MAML2: variants seen among roughly 807,000 people sequenced by gnomAD.
MAML2 encodes mastermind-like protein 2.
In MAML2, 22 loss-of-function variants were observed where a neutral mutation model predicts 96.1. The observed-to-expected ratio is 0.23, with a 90% CI of 0.16 to 0.33. The LOEUF (loss-of-function observed/expected upper bound fraction) is 0.33. Among genes scored for constraint, MAML2 ranks in the 10% least tolerant of loss-of-function variants. The probability of loss-of-function intolerance (pLI) is 1.00; values close to 1 mark genes in which losing one functional copy is unlikely to be tolerated. For missense variants in MAML2, 1,367 were observed against 1,392.4 expected, an observed-to-expected ratio of 0.98 and a Z score of 0.29; for synonymous variants, 561 against 521.3, an observed-to-expected ratio of 1.08 and a Z score of -1.04.
At position 96,141,899 on chromosome 11, in the gene MAML2, G is replaced by A. The variant is rs551120340; in HGVS notation, c.514-48382C>T. Among the ~76,000 whole-genome samples the A allele has an allele frequency of 7.2e-5, 11 of 152,320 alleles. No individual in the cohort carries two copies. In the East Asian group the frequency reaches 9.6e-4, roughly 13 times the overall value. On this transcript the variant is annotated intron_variant, in intron 1 of 4. Transcript: ENST00000524717. ...CTGTCTCTGCAGGTGCTAGCGGGACGCATCACCACAGCAATCTGAGGCAGG... is the reference window on the plus strand; with the variant it reads ...CTGTCTCTGCAGGTGCTAGCGGGACACATCACCACAGCAATCTGAGGCAGG...
intron 1 of MAML2, among the ~76,000 whole-genome samples, chr11:96,219,708 T>A (rs1963884): frequency 0.26 from 39,608 of 152,004 alleles, 5,323 homozygotes; most frequent in Middle Eastern, 0.37. Context: ...TCACTGCAAC[T>A]CCACCCTCCT....
At chr11:96,181,987 T>C (rs12416963) in intron 1 of MAML2, among the ~76,000 whole-genome samples, 37,447 of 152,104 alleles carry the variant, frequency 0.25, 4,893 homozygotes, top group East Asian at 0.49. Context: ...AATGTTAGAA[T>C]TACTTTTTCA....
intron 1 of MAML2, among the ~76,000 whole-genome samples, chr11:96,200,343 G>A (rs1245464768): frequency 1.3e-5 from 2 of 152,194 alleles, no homozygotes; most frequent in African/African-American, 4.8e-5. Context: ...TCTGTAGCTT[G>A]GATTTGCTGA....
In MAML2 at chr11:95,979,108, C is replaced by T. The variant is rs761332652; in HGVS notation, c.3311G>A (p.Ser1104Asn). The change falls in exon 5 of 5, where the codon AGT (serine) becomes AAT (asparagine). Residue 1104 changes from serine to asparagine, a missense_variant. Ser to Asn is a conservative substitution (Grantham distance 46). Coordinates refer to ENST00000524717, the MANE Select transcript of MAML2 (RefSeq NM_032427.4). ...GCTGAGGAAGTCAAAAGCTAAGTCA[C>T]TGCTGTGGTCAGTTCCTTGAAAAGC... ...SRAFQGTDHS[S>N]DLAFDFLSQQ... is the part of the protein sequence containing the mutation. The T allele has an allele frequency of 5.0e-6, 8 of 1,613,884 alleles. No individual in the cohort carries two copies. Among genetic ancestry groups the T allele is most frequent in the Non-Finnish European group, 6.8e-6 (8 of 1,179,910 alleles).
chr11:96,172,841 C>A (rs898769230), intron 1 of MAML2, among the ~76,000 whole-genome samples: 2 of 152,188 alleles, frequency 1.3e-5, no homozygotes, highest in African/African-American at 4.8e-5. Flanking sequence ...GAATTTAACA[C>A]CAGCAGAACA....
At chr11:96,303,319 A>T (rs1863415524) in intron 1 of MAML2, among the ~76,000 whole-genome samples, 1 of 152,254 alleles carries the variant, frequency 6.6e-6, no homozygotes, top group Non-Finnish European at 1.5e-5. Context: ...ACCAATATAA[A>T]AATTGCTCCA....
rs533593613 is a variant in MAML2, at chr11:95,995,054, C to T, written c.2140-3331G>A. 9.8e-4 allele frequency among the ~76,000 whole-genome samples: 149 copies of T among 152,192 alleles called. 1 individual carries two copies. Among genetic ancestry groups the T allele is most frequent in the Admixed American group, 1.7e-3 (26 of 15,282 alleles). ...AGGGGAGATAATCCAATACCTACCA[C>T]GTAGTAAGCACTTACTAAACAATAG... On this transcript the variant is annotated intron_variant, in intron 2 of 4. Coordinates refer to ENST00000524717, the MANE Select transcript of MAML2 (RefSeq NM_032427.4).
At chr11:96,060,905 G>A (rs1214020418) in intron 2 of MAML2, among the ~76,000 whole-genome samples, 1 of 152,004 alleles carries the variant, frequency 6.6e-6, no homozygotes, top group African/African-American at 2.4e-5. Context: ...TTTTTCATGA[G>A]GCCAGTCTAA....
intron 1 of MAML2, among the ~76,000 whole-genome samples, chr11:96,330,949 G>A (rs1318595393): frequency 1.3e-5 from 2 of 152,170 alleles, no homozygotes; most frequent in Non-Finnish European, 2.9e-5. Flanking sequence ...GGCGTGTGGG[G>A]TGGAAGGGAT....
chr11:96,032,997 A>G lies in MAML2; in HGVS notation c.2140-41274T>C, dbSNP rs575264983. 1.5e-3 allele frequency among the ~76,000 whole-genome samples: 234 copies of G among 152,364 alleles called. 2 individuals carry two copies. The Middle Eastern group carries it at 0.02, about 13-fold the overall frequency. Reference sequence around the variant, plus strand: ...GTTTGTCAAAACTTGGGGCACTTACATACCCAAAAAGTGAAATTTGTAGCA... The same window carrying G: ...GTTTGTCAAAACTTGGGGCACTTACGTACCCAAAAAGTGAAATTTGTAGCA... On this transcript the variant is annotated intron_variant, in intron 2 of 4. Transcript: ENST00000524717.
At chr11:96,232,962 G>A (rs1294581151) in intron 1 of MAML2, among the ~76,000 whole-genome samples, 1 of 152,204 alleles carries the variant, frequency 6.6e-6, no homozygotes, top group African/African-American at 2.4e-5. Context: ...CTGTGAGCAT[G>A]AGTAAAACAA....
At chr11:96,263,104 C>A (rs1862774254) in intron 1 of MAML2, among the ~76,000 whole-genome samples, 1 of 152,210 alleles carries the variant, frequency 6.6e-6, no homozygotes, top group Non-Finnish European at 1.5e-5. Context: ...TCTATATAAA[C>A]AATGCATTTC....
intron 1 of MAML2, among the ~76,000 whole-genome samples, chr11:96,169,666 T>TG (rs1861251281): frequency 6.6e-6 from 1 of 151,464 alleles, no homozygotes; most frequent in East Asian, 1.9e-4. Flanking sequence ...AAACTTTTTT[T>TG]TTTTTTTGAG....
intron 2 of MAML2, among the ~76,000 whole-genome samples, chr11:96,032,381 A>G (rs1282443026): frequency 6.6e-6 from 1 of 152,070 alleles, no homozygotes; most frequent in Admixed American, 6.5e-5. Context: ...TTGAGGTCAG[A>G]AGTAAAAGAC....
intron 1 of MAML2, among the ~76,000 whole-genome samples, chr11:96,211,223 TC>T (rs1861966208): frequency 6.6e-6 from 1 of 152,206 alleles, no homozygotes; most frequent in South Asian, 2.1e-4. Flanking sequence ...TGATGTGATA[TC>T]AACACCATTT....
intron 1 of MAML2, among the ~76,000 whole-genome samples, chr11:96,253,350 T>C (rs751621502): frequency 1.1e-4 from 16 of 152,098 alleles, no homozygotes; most frequent in Non-Finnish European, 1.5e-5. Flanking sequence ...CCAAGGAATA[T>C]AGACATTAAA....
chr11:96,189,862 TTTA>T (rs1385275109), intron 1 of MAML2, among the ~76,000 whole-genome samples: 3 of 152,222 alleles, frequency 2.0e-5, no homozygotes, highest in African/African-American at 7.2e-5. Context: ...GTTGGCTTAA[TTTA>T]TTATTCTAAA....
intron 1 of MAML2, among the ~76,000 whole-genome samples, chr11:96,233,401 CT>C (rs34715630): frequency 0.91 from 131,224 of 143,778 alleles, 59,919 homozygotes; most frequent in African/African-American, 0.94. Context: ...CTCTTAAATT[CT>C]TTTTTTTTTT....
chr11:96,200,552 T>C (rs1834799372), intron 1 of MAML2, among the ~76,000 whole-genome samples: 1 of 152,204 alleles, frequency 6.6e-6, no homozygotes, highest in Non-Finnish European at 1.5e-5. Context: ...ACAGATTTCA[T>C]CAGAGAAAGA....
Sources: gnomAD v4.1 joint callset for allele counts (sites outside exome capture counted in the v4.1 genomes callset) on GRCh38, gnomAD v4.1.1 for gene constraint, MANE v1.5 for transcripts, NCBI Gene and HGNC (gene_info 2026-07-23, HGNC 2026-07-21) for gene names.